Variants in CAMK1D observed in about 807,000 individuals in gnomAD.
The protein encoded by CAMK1D is calcium/calmodulin dependent protein kinase ID, also known as calcium/calmodulin-dependent protein kinase type 1D.
In CAMK1D, 9 loss-of-function variants were observed where a neutral mutation model predicts 47.7. The ratio of observed to expected loss-of-function variants is 0.19; its 90% CI spans 0.11 to 0.33. CAMK1D has a LOEUF of 0.33. Ranked by LOEUF, CAMK1D falls within the 10% of genes least tolerant of loss-of-function variation. The probability of loss-of-function intolerance (pLI) is 1.00; values close to 1 mark genes in which losing one functional copy is unlikely to be tolerated. For synonymous variants in CAMK1D, 184 were observed against 184.9 expected (o/e 0.99, Z 0.04); for missense variants, 291 against 488.7 (o/e 0.60, Z 3.81).
chr10:12,437,522 G>C (rs79405206), intron 1 of CAMK1D, among the ~76,000 whole-genome samples: 1,650 of 152,162 alleles, frequency 0.011, 22 homozygotes, highest in African/African-American at 0.038. Flanking sequence ...AGCATTTTTA[G>C]GTTCATAGCA....
intron 1 of CAMK1D, among the ~76,000 whole-genome samples, chr10:12,453,987 A>G (rs1376902634): frequency 6.6e-6 from 1 of 152,196 alleles, no homozygotes; most frequent in Non-Finnish European, 1.5e-5. Context: ...GGAAGGGGCC[A>G]GCAGCAGAGC....
chr10:12,812,159 T>C (rs1269128082), intron 6 of CAMK1D, among the ~76,000 whole-genome samples: 1 of 152,260 alleles, frequency 6.6e-6, no homozygotes, highest in African/African-American at 2.4e-5. Flanking sequence ...GTGGTGTTTC[T>C]AACCTGTATT....
chr10:12,813,157 T>C (rs11258009), intron 6 of CAMK1D, among the ~76,000 whole-genome samples: 37,673 of 152,048 alleles, frequency 0.25, 8,457 homozygotes, highest in African/African-American at 0.58. Context: ...AAAAATCAAC[T>C]TTGAAATGGA....
intron 2 of CAMK1D, among the ~76,000 whole-genome samples, chr10:12,616,642 C>T (rs1022039217): frequency 2.7e-5 from 4 of 149,712 alleles, no homozygotes; most frequent in Non-Finnish European, 4.4e-5. Context: ...CTCAGCCTCC[C>T]GAGTAGCTGG....
In CAMK1D at chr10:12,373,422, G is replaced by A. The variant is rs376308969; in HGVS notation, c.92+23512G>A. On this transcript the variant is annotated intron_variant, in intron 1 of 10. Transcript: ENST00000619168. Reference sequence around the variant, plus strand: ...CAACGCGGGTGGGTCACCTGAGGTCGGGAGTTTGAGACCAGCCTGGCCAAC... The same window carrying A: ...CAACGCGGGTGGGTCACCTGAGGTCAGGAGTTTGAGACCAGCCTGGCCAAC... Among the ~76,000 whole-genome samples the A allele has an allele frequency of 1.1e-4, 17 of 151,664 alleles. No individual in the cohort carries two copies. The East Asian group carries it at 2.4e-3, about 21-fold the overall frequency.
rs1416070465 is a variant in CAMK1D, at chr10:12,440,590, A to G, written c.92+90680A>G. Among the ~76,000 whole-genome samples the G allele has an allele frequency of 2.6e-5, 4 of 152,052 alleles. No homozygotes were observed. The East Asian group carries it at 7.7e-4, about 29-fold the overall frequency. ...GGTGTGAGCCACCATGCCCAGCCAG[A>G]TACCTGTTTTTTTGTTTAATTTGGT... is the stretch of plus-strand genomic sequence containing the variant. On this transcript the variant is annotated intron_variant, in intron 1 of 10. Coordinates refer to ENST00000619168, the MANE Select transcript of CAMK1D (RefSeq NM_153498.4).
At chr10:12,502,112 C>T (rs780514888) in intron 1 of CAMK1D, among the ~76,000 whole-genome samples, 13 of 152,092 alleles carry the variant, frequency 8.5e-5, no homozygotes, top group South Asian at 2.1e-4. Context: ...GCTGGTGGCA[C>T]GGTGAGGAGG....
At chr10:12,778,267 G>A (rs1482087675) in intron 5 of CAMK1D, among the ~76,000 whole-genome samples, 3 of 152,214 alleles carry the variant, frequency 2.0e-5, no homozygotes, top group African/African-American at 4.8e-5. Flanking sequence ...AACCGAAATT[G>A]GTGCTTTTTC....
chr10:12,566,163 A>G (rs940192025), intron 2 of CAMK1D, among the ~76,000 whole-genome samples: 1 of 152,158 alleles, frequency 6.6e-6, no homozygotes, highest in Non-Finnish European at 1.5e-5. Context: ...TGCCTGGCAC[A>G]TAGTGTGGGC....
chr10:12,471,383 C>T (rs763240448), intron 1 of CAMK1D, among the ~76,000 whole-genome samples: 1 of 152,194 alleles, frequency 6.6e-6, no homozygotes, highest in Admixed American at 6.5e-5. Flanking sequence ...TAAACAGCAC[C>T]TCGTTCAAGG....
At chr10:12,783,343 C>T (rs1472912954) in intron 5 of CAMK1D, among the ~76,000 whole-genome samples, 1 of 152,184 alleles carries the variant, frequency 6.6e-6, no homozygotes, top group Non-Finnish European at 1.5e-5. Flanking sequence ...CTGCCCCTGT[C>T]CCCCAGGCTG....
intron 2 of CAMK1D, among the ~76,000 whole-genome samples, chr10:12,603,419 A>G (rs1391145859): frequency 2.0e-5 from 3 of 152,080 alleles, no homozygotes; most frequent in African/African-American, 4.8e-5. Context: ...TGATCATTAT[A>G]TCATATGGCT....
intron 2 of CAMK1D, among the ~76,000 whole-genome samples, chr10:12,588,456 A>G (rs1239315094): frequency 6.6e-6 from 1 of 152,110 alleles, no homozygotes; most frequent in Non-Finnish European, 1.5e-5. Context: ...AGTGCTCGCT[A>G]ATTGTTTTGG....
At chr10:12,688,829 G>T (rs1832758569) in intron 3 of CAMK1D, among the ~76,000 whole-genome samples, 1 of 152,106 alleles carries the variant, frequency 6.6e-6, no homozygotes, top group Non-Finnish European at 1.5e-5. Flanking sequence ...GATTACAGGT[G>T]CCCTCCACCA....
intron 3 of CAMK1D, among the ~76,000 whole-genome samples, chr10:12,669,809 A>G (rs1196937084): frequency 6.6e-6 from 1 of 152,124 alleles, no homozygotes; most frequent in African/African-American, 2.4e-5. Context: ...TGTCTGGCTT[A>G]TTTCACTCAT....
At chr10:12,669,618 G>A (rs1840545804) in intron 3 of CAMK1D, among the ~76,000 whole-genome samples, 1 of 152,006 alleles carries the variant, frequency 6.6e-6, no homozygotes, top group Non-Finnish European at 1.5e-5. Context: ...TACCCTTAAA[G>A]CCACCACCAC....
intron 1 of CAMK1D, among the ~76,000 whole-genome samples, chr10:12,475,843 A>G (rs931242807): frequency 1.3e-5 from 2 of 152,048 alleles, no homozygotes; most frequent in African/African-American, 4.8e-5. Context: ...CACAGTGAAC[A>G]TAGTTCATGC....
chr10:12,736,637 T>C (rs978675108), intron 3 of CAMK1D, among the ~76,000 whole-genome samples: 4 of 152,224 alleles, frequency 2.6e-5, no homozygotes, highest in Non-Finnish European at 5.9e-5. Flanking sequence ...TAGGTAGAAG[T>C]GCCTGCTGTA....
intron 1 of CAMK1D, among the ~76,000 whole-genome samples, chr10:12,413,554 A>AATGGTG (rs1554767035): frequency 0.014 from 32 of 2,294 alleles, no homozygotes; most frequent in Middle Eastern, 0.17. Context: ...TGATGGTGAT[A>AATGGTG]ATGATGATGA....
Sources: allele counts gnomAD v4.1 joint callset (sites outside exome capture counted in the v4.1 genomes callset), GRCh38; gene constraint gnomAD v4.1.1; transcripts MANE v1.5; gene names NCBI Gene and HGNC (gene_info 2026-07-23, HGNC 2026-07-21).